FAM149B1: variants seen among roughly 807,000 people sequenced by gnomAD.
FAM149B1 encodes the protein family with sequence similarity 149 member B1.
Under a neutral mutation model 75.3 loss-of-function variants are expected in FAM149B1, and 56 were observed. The ratio of observed to expected loss-of-function variants is 0.74; its 90% CI spans 0.60 to 0.93. The LOEUF (loss-of-function observed/expected upper bound fraction) is 0.93. Among genes scored for constraint, FAM149B1 ranks in the 40% least tolerant of loss-of-function variants. The pLI, the probability that FAM149B1 is intolerant of heterozygous loss-of-function variation, is 0.00. For missense variants in FAM149B1, 639 were observed against 708.4 expected, an observed-to-expected ratio of 0.90 and a Z score of 1.11; for synonymous variants, 259 against 256.1, an observed-to-expected ratio of 1.01 and a Z score of -0.11.
intron 3 of FAM149B1, among the ~76,000 whole-genome samples, chr10:73,188,441 G>A (rs1185965814): frequency 5.3e-5 from 8 of 152,066 alleles, no homozygotes; most frequent in African/African-American, 1.9e-4. Context: ...AAAAGCATAA[G>A]CTACGAAAAT....
chr10:73,217,379 G>A lies in FAM149B1; in HGVS notation c.898+6941G>A, dbSNP rs114470580. ...TAAGAATTGTTTATGTAGGTTTTCTGTGCTGCTTAACAAACTGTCACAAAC... is the reference window on the plus strand; with the variant it reads ...TAAGAATTGTTTATGTAGGTTTTCTATGCTGCTTAACAAACTGTCACAAAC... On this transcript the variant is annotated intron_variant, in intron 7 of 13. Coordinates refer to ENST00000242505, the MANE Select transcript of FAM149B1 (RefSeq NM_173348.2). Among the ~76,000 whole-genome samples, 1,184 of 152,244 alleles carry A rather than the reference G, an allele frequency of 7.8e-3. 14 individuals carry two copies. Among genetic ancestry groups the A allele is most frequent in the African/African-American group, 0.027 (1,119 of 41,528 alleles).
chr10:73,207,115 G>T (rs1666247975), intron 5 of FAM149B1, among the ~76,000 whole-genome samples: 1 of 152,198 alleles, frequency 6.6e-6, no homozygotes, highest in South Asian at 2.1e-4. Context: ...TCCTCACAGA[G>T]AATCTCTATT....
intron 5 of FAM149B1, among the ~76,000 whole-genome samples, chr10:73,194,128 G>C (rs778943630): frequency 6.6e-6 from 1 of 151,984 alleles, no homozygotes; most frequent in East Asian, 1.9e-4. Context: ...CCCCTTAAAG[G>C]CTCCACCTCT....
Position 73,228,153 on chromosome 10 carries a change from A to G in FAM149B1, c.992A>G (p.Gln331Arg), listed in dbSNP as rs1219296517. The part of the protein sequence containing the change: ...LHPLVLPRVP[Q>R]SKVLYITSNP... Reference sequence around the variant, plus strand: ...CCTTTGGTGTTACCGCGAGTGCCACAGTCTAAGGTGCTGTACATTACCTCA... The same window carrying G: ...CCTTTGGTGTTACCGCGAGTGCCACGGTCTAAGGTGCTGTACATTACCTCA... Residue 331 changes from glutamine (Q) to arginine (R), a missense_variant, in exon 8 of 14, where the codon CAG becomes CGG. Transcript: ENST00000242505. 3.2e-6 allele frequency: 5 copies of G among 1,551,524 alleles called. No homozygotes were observed. Among genetic ancestry groups the G allele is most frequent in the Middle Eastern group, 1.7e-4 (1 of 6,014 alleles).
At chr10:73,232,783 C>T (rs940250080) in intron 9 of FAM149B1, among the ~76,000 whole-genome samples, 156 bp from the exon 10 acceptor site, 1 of 152,192 alleles carries the variant, frequency 6.6e-6, no homozygotes, top group Non-Finnish European at 1.5e-5. Flanking sequence ...AGCTAGAGTA[C>T]CATCTGGAAA....
chr10:73,240,511 G>C (rs188615172), intron 13 of FAM149B1, among the ~76,000 whole-genome samples: 1 of 152,292 alleles, frequency 6.6e-6, no homozygotes, highest in Admixed American at 6.5e-5. Context: ...AGCATATTGA[G>C]ACCATCCTGG....
At chr10:73,239,115 A>G (rs908696617) in intron 12 of FAM149B1, 197 bp from the exon 13 acceptor site, 6 of 516,526 alleles carry the variant, frequency 1.2e-5, no homozygotes, top group Non-Finnish European at 1.7e-5. Context: ...AATTTTTACA[A>G]TAAATGGCTT....
chr10:73,175,445 G>A (rs1057346476), intron 2 of FAM149B1, among the ~76,000 whole-genome samples: 2 of 151,948 alleles, frequency 1.3e-5, no homozygotes, highest in Admixed American at 1.3e-4. Context: ...CGAGGTGCAC[G>A]GATCACGAGG....
chr10:73,233,162 G>A lies in FAM149B1; in HGVS notation c.1351G>A (p.Val451Ile). 1.3e-6 allele frequency: 2 copies of A among 1,549,038 alleles called. No homozygotes were observed. The highest frequency in any genetic ancestry group is 2.4e-5 in the South Asian group (2 of 83,988). The change falls in exon 10 of 14, where the codon GTC (valine) becomes ATC (isoleucine). Residue 451 changes from valine (V) to isoleucine (I), a missense_variant and splice_region_variant. Val to Ile is a conservative substitution (Grantham distance 29). Transcript: ENST00000242505. ...SVEEILRGAR[V>I]PVAPDSLSSP... is the part of the protein sequence containing the mutation. Reference sequence around the variant, plus strand: ...GGAAGAAATCCTCAGAGGAGCCCGAGTGTAGGTTTCAAAAGCAGAACTTCT... The same window carrying A: ...GGAAGAAATCCTCAGAGGAGCCCGAATGTAGGTTTCAAAAGCAGAACTTCT...
chr10:73,226,159 A>C (rs559316010), intron 7 of FAM149B1, among the ~76,000 whole-genome samples: 72 of 151,384 alleles, frequency 4.8e-4, no homozygotes, highest in Middle Eastern at 3.4e-3. Flanking sequence ...TAGTTTGCCA[A>C]CCCTGCTCTA....
chr10:73,201,747 T>C (rs987073942), intron 5 of FAM149B1, among the ~76,000 whole-genome samples: 3 of 152,170 alleles, frequency 2.0e-5, no homozygotes, highest in African/African-American at 4.8e-5. Context: ...CTGGACCCTA[T>C]GGCTAAGCCC....
chr10:73,197,009 T>A (rs781332167), intron 5 of FAM149B1, among the ~76,000 whole-genome samples: 1 of 151,988 alleles, frequency 6.6e-6, no homozygotes, highest in Non-Finnish European at 1.5e-5. Flanking sequence ...TTTGGTTTTG[T>A]TTTTTGTTTT....
At chr10:73,176,434 A>G (rs924638718) in intron 2 of FAM149B1, among the ~76,000 whole-genome samples, 2 of 152,200 alleles carry the variant, frequency 1.3e-5, no homozygotes, top group Non-Finnish European at 2.9e-5. Flanking sequence ...TATTAATGAG[A>G]TAATGTATGT....
intron 3 of FAM149B1, among the ~76,000 whole-genome samples, chr10:73,182,694 C>T (rs2042427423): frequency 6.6e-6 from 1 of 152,212 alleles, no homozygotes; most frequent in Non-Finnish European, 1.5e-5. Context: ...AGCTGCCAGA[C>T]ATGTGAGTAA....
intron 7 of FAM149B1, among the ~76,000 whole-genome samples, chr10:73,217,255 C>A (rs1286884552): frequency 6.6e-6 from 1 of 152,168 alleles, no homozygotes; most frequent in African/African-American, 2.4e-5. Flanking sequence ...GTTATGAGCA[C>A]TATTGTACAA....
intron 12 of FAM149B1, among the ~76,000 whole-genome samples, chr10:73,236,519 TTCTCCTGC>T: frequency 2.0e-5 from 3 of 151,434 alleles, no homozygotes; most frequent in Non-Finnish European, 4.4e-5. Context: ...GTTCATGTGA[TTCTCCTGC>T]CTCAGCCTCC....
Position 73,235,184 on chromosome 10 carries a change from CCT to C in FAM149B1, c.1477-6_1477-5del. 6.4e-7 allele frequency: 1 copy of C among 1,551,386 alleles called. No individual in the cohort carries two copies. The highest frequency in any genetic ancestry group is 8.7e-7 in the Non-Finnish European group (1 of 1,146,734). On this transcript the variant is annotated splice_polypyrimidine_tract_variant and splice_region_variant and intron_variant, in intron 11 of 13. Transcript: ENST00000242505. Reference sequence around the variant, plus strand: ...TTCACTGTTTCTGTAACTTTTGTCTCCTCTGCAGAAACCCCATGGCGACTCTA... The same window carrying C: ...TTCACTGTTTCTGTAACTTTTGTCTCCTGCAGAAACCCCATGGCGACTCTA...
intron 6 of FAM149B1, 69 bp from the exon 7 acceptor site, chr10:73,210,182 A>T: frequency 9.0e-7 from 1 of 1,113,920 alleles, no homozygotes; most frequent in South Asian, 1.6e-5. Flanking sequence ...CAGGTAATAC[A>T]CAGACAATTT....
intron 1 of FAM149B1, among the ~76,000 whole-genome samples, chr10:73,174,076 G>A (rs1310789039): frequency 6.6e-6 from 1 of 152,142 alleles, no homozygotes; most frequent in Non-Finnish European, 1.5e-5. Flanking sequence ...GGACATTTGA[G>A]TTGTTTTCAG....
Sources: allele counts gnomAD v4.1 joint callset (sites outside exome capture counted in the v4.1 genomes callset), GRCh38; gene constraint gnomAD v4.1.1; transcripts MANE v1.5; gene names NCBI Gene and HGNC (gene_info 2026-07-23, HGNC 2026-07-21).